The following DNAH2 variants were observed in gnomAD, a reference collection of about 807,000 sequenced individuals.
DNAH2 encodes the protein dynein axonemal heavy chain 2.
DNAH2 carries 323 observed loss-of-function variants against 523.5 expected under a neutral mutation model. The ratio of observed to expected loss-of-function variants is 0.62; its 90% CI spans 0.56 to 0.68. The LOEUF (loss-of-function observed/expected upper bound fraction) is 0.68. Ranked by LOEUF, DNAH2 falls within the 30% of genes least tolerant of loss-of-function variation. The pLI is 0.00. For missense variants in DNAH2, 4,907 were observed against 5,701.5 expected, an observed-to-expected ratio of 0.86 and a Z score of 4.49; for synonymous variants, 2,093 against 2,177.4, an observed-to-expected ratio of 0.96 and a Z score of 1.08.
At position 7,797,401 on chromosome 17, in the gene DNAH2, G is replaced by A; in HGVS notation, c.7951G>A (p.Val2651Ile). ...TRLWIHECFR[V>I]FSDRLVDAAD... is the part of the protein sequence containing the mutation. ...CTCACCCCAGTTCCCTGCCCACAGA[G>A]TCTTCTCTGACCGGCTGGTTGATGC... The change falls in exon 52 of 86, where the codon GTC becomes ATC. Residue 2651 changes from valine to isoleucine, a missense_variant and splice_region_variant. By Grantham distance (29) the Val-to-Ile change is conservative. Coordinates refer to ENST00000572933, the MANE Select transcript of DNAH2 (RefSeq NM_020877.5). 6.2e-7 allele frequency: 1 copy of A among 1,614,130 alleles called. No individual in the cohort carries two copies. Among genetic ancestry groups the A allele is most frequent in the Non-Finnish European group, 8.5e-7 (1 of 1,180,034 alleles).
At position 7,759,522 on chromosome 17, in the gene DNAH2, C is replaced by T; in HGVS notation, c.2549C>T (p.Ala850Val). The change falls in exon 16 of 86, where the codon GCT becomes GTT. Residue 850 changes from alanine (A) to valine (V), a missense_variant. Ala to Val is a moderately conservative substitution (Grantham distance 64). Coordinates refer to ENST00000572933, the MANE Select transcript of DNAH2 (RefSeq NM_020877.5). ...TGGTCACTGCTAGAACTATCCAAGG[C>T]TATCAACGGGGATGGAAAGACCAGC... ...VKWSLLELSKAINGDGKTSPN... is the reference protein window; with the variant it reads ...VKWSLLELSKVINGDGKTSPN... 1 of 1,614,202 alleles carries T rather than the reference C, an allele frequency of 6.2e-7. No homozygotes were observed. The highest frequency in any genetic ancestry group is 8.5e-7 in the Non-Finnish European group (1 of 1,180,044).
At chr17:7,727,346 C>T (rs1414484388) in intron 4 of DNAH2, 54 bp downstream of exon 4, 1 of 1,561,834 alleles carries the variant, frequency 6.4e-7, no homozygotes, top group Non-Finnish European at 8.6e-7. Flanking sequence ...GCCGAGGGCT[C>T]TCAGTTCCTT....
intron 4 of DNAH2, among the ~76,000 whole-genome samples, chr17:7,728,198 A>T (rs1402507606): frequency 2.0e-5 from 3 of 152,218 alleles, no homozygotes; most frequent in Non-Finnish European, 4.4e-5. Flanking sequence ...GTAGGGAGAC[A>T]GTTAAAAGAC....
At chr17:7,722,974 T>C (rs1272897216) in intron 2 of DNAH2, among the ~76,000 whole-genome samples, 1 of 141,352 alleles carries the variant, frequency 7.1e-6, no homozygotes, top group Non-Finnish European at 1.5e-5. Flanking sequence ...CTTTTTTTTT[T>C]TTTTTTTTTT....
At chr17:7,767,785 G>A (rs187151282) in intron 22 of DNAH2, 115 bp from the exon 23 acceptor site, 16 of 1,355,478 alleles carry the variant, frequency 1.2e-5, no homozygotes, top group African/African-American at 8.8e-5. Flanking sequence ...TGAGGAGGCC[G>A]CTGTATTATC....
At position 7,759,200 on chromosome 17, in the gene DNAH2, C is replaced by G. The variant is rs2075934370; in HGVS notation, c.2448+76C>G. 11 of 1,582,222 alleles carry G rather than the reference C, an allele frequency of 7.0e-6. No individual in the cohort carries two copies. The Admixed American group carries it at 1.9e-4, about 28-fold the overall frequency. On this transcript the variant is annotated intron_variant, in intron 15 of 85. Transcript: ENST00000572933. ...AGTTCCATCAGGCCATTCTCTTGCT[C>G]CCCGACCCTTTTTTCTTTTTTACCA...
Position 7,796,390 on chromosome 17 carries a change from C to T in DNAH2, c.7675-74C>T, listed in dbSNP as rs2077063583. The T allele has an allele frequency of 7.1e-6, 11 of 1,541,132 alleles. No homozygotes were observed. In the East Asian group the frequency reaches 2.5e-4, roughly 35 times the overall value. ...CACCCCCTTAAATTGTGCCCATGAGCCAAGCTCTTTATTGGCTTCCCCTCT... is the reference window on the plus strand; with the variant it reads ...CACCCCCTTAAATTGTGCCCATGAGTCAAGCTCTTTATTGGCTTCCCCTCT... On this transcript the variant is annotated intron_variant, in intron 49 of 85. Transcript: ENST00000572933.
At chr17:7,740,669 C>T (rs1160295469) in intron 10 of DNAH2, 120 bp downstream of exon 10, 3 of 1,538,246 alleles carry the variant, frequency 2.0e-6, no homozygotes, top group Non-Finnish European at 1.7e-6. Flanking sequence ...TCGGGCGCCT[C>T]TTGTCTTTCT....
At chr17:7,789,415 C>T (rs112241701) in intron 44 of DNAH2, among the ~76,000 whole-genome samples, 197 of 151,592 alleles carry the variant, frequency 1.3e-3, no homozygotes, top group African/African-American at 4.1e-3. Context: ...TGTGTAGATG[C>T]GCTTCAGCGT....
rs759534551 is a variant in DNAH2 at position 7,824,669 on chromosome 17, C to T, written c.11795C>T (p.Pro3932Leu). The T allele has an allele frequency of 1.9e-6, 3 of 1,606,542 alleles. No individual in the cohort carries two copies. The highest frequency in any genetic ancestry group is 1.1e-5 in the South Asian group (1 of 90,340). The change falls in exon 77 of 86, where the codon CCA (proline) becomes CTA (leucine). Residue 3932 changes from proline (P) to leucine (L), a missense_variant. Transcript: ENST00000572933. ...CTCTGGCTCAGCTCCATCCCCCACC[C>T]AGACTTCCCTATCTCAATCTTGCAG... The part of the protein sequence containing the change: ...FRLWLSSIPH[P>L]DFPISILQVS...
chr17:7,804,536 G>C, intron 59 of DNAH2, 70 bp downstream of exon 59: 6 of 1,544,012 alleles, frequency 3.9e-6, no homozygotes, highest in Non-Finnish European at 3.5e-6. Context: ...GGGAACCCAT[G>C]TTCCCCCCTT....
intron 4 of DNAH2, among the ~76,000 whole-genome samples, chr17:7,729,893 C>T (rs1363232635): frequency 1.3e-5 from 2 of 152,152 alleles, no homozygotes; most frequent in East Asian, 3.9e-4. Context: ...ACTGGTCTCT[C>T]ACAGTGGGAG....
chr17:7,731,953 C>T (rs777338976), intron 4 of DNAH2, among the ~76,000 whole-genome samples: 2 of 150,234 alleles, frequency 1.3e-5, no homozygotes, highest in African/African-American at 4.9e-5. Context: ...CGCTTGAACC[C>T]GGGAGGCGGA....
intron 49 of DNAH2, among the ~76,000 whole-genome samples, chr17:7,795,858 C>T (rs1289116065): frequency 6.8e-6 from 1 of 146,258 alleles, no homozygotes; most frequent in Non-Finnish European, 1.5e-5. Flanking sequence ...ATTAGCTGGG[C>T]GTGGTGGTGG....
rs1313972219 is a variant in DNAH2 at position 7,830,790 on chromosome 17, AC to A, written c.12180del (p.Tyr4061ThrfsTer101). 6.2e-7 allele frequency: 1 copy of A among 1,613,872 alleles called. No homozygotes were observed. The highest frequency in any genetic ancestry group is 8.5e-7 in the Non-Finnish European group (1 of 1,180,022). ...TDDWDRRLLT[T>X]YINDYFCDQS... ...TGACTGGGACCGGCGCCTGCTGACC[AC>A]CTACATCAATGATTATTTCTGTGAC... is the stretch of plus-strand genomic sequence containing the variant. On this transcript the variant is annotated frameshift_variant, in exon 79 of 86. Transcript: ENST00000572933. LOFTEE classifies it high-confidence loss of function.
At position 7,823,642 on chromosome 17, in the gene DNAH2, G is replaced by C; in HGVS notation, c.11329+14G>C. 6.2e-7 allele frequency: 1 copy of C among 1,612,168 alleles called. No homozygotes were observed. The highest frequency in any genetic ancestry group is 8.5e-7 in the Non-Finnish European group (1 of 1,179,078). On this transcript the variant is annotated intron_variant, in intron 74 of 85. Coordinates refer to ENST00000572933, the MANE Select transcript of DNAH2 (RefSeq NM_020877.5). ...CGATGCTGCCAGGTACCAGGCGTCT[G>C]TGTCCCACTCTCACTTTTCTCCTTC...
At chr17:7,778,609 T>TGG (rs2076522231) in intron 35 of DNAH2, 140 bp downstream of exon 35, 1 of 899,718 alleles carries the variant, frequency 1.1e-6, no homozygotes, top group Non-Finnish European at 1.6e-6. Context: ...TTTATTTATT[T>TGG]ATTTTTTGGA....
At position 7,755,672 on chromosome 17, in the gene DNAH2, C is replaced by T. The variant is rs139823526; in HGVS notation, c.1905-1419C>T. On this transcript the variant is annotated intron_variant, in intron 12 of 85. Transcript: ENST00000572933. Reference sequence around the variant, plus strand: ...TGAGTGGGTTTTCTCAGACGTGGAGCGGTTGTGAACAGCAAGCTTCAGGGC... The same window carrying T: ...TGAGTGGGTTTTCTCAGACGTGGAGTGGTTGTGAACAGCAAGCTTCAGGGC... Among the ~76,000 whole-genome samples the T allele has an allele frequency of 2.8e-4, 43 of 151,990 alleles. 1 individual carries two copies. Among genetic ancestry groups the T allele is most frequent in the African/African-American group, 8.7e-4 (36 of 41,448 alleles).
In DNAH2 at chr17:7,798,815, CCCA is replaced by C; in HGVS notation, c.8559+99_8559+101del. On this transcript the variant is annotated intron_variant, in intron 55 of 85. Transcript: ENST00000572933. This position sits in a 1 kb window ranked among gnomAD's most constrained non-coding sequence, Gnocchi z 5.5. ...TCCCAGAATGTGCCACTGGCACACCCCCACTGCCACACCCCCACTGCCCACCTC... is the reference window on the plus strand; with the variant it reads ...TCCCAGAATGTGCCACTGGCACACCCCTGCCACACCCCCACTGCCCACCTC... 2 of 763,278 alleles carry C rather than the reference CCCA, an allele frequency of 2.6e-6. No homozygotes were observed. The highest frequency in any genetic ancestry group is 3.9e-6 in the Non-Finnish European group (2 of 515,078). The allele number at this position is 763,278 out of a possible 1,614,324, so 47.3% of individuals were successfully genotyped here.
Sources: allele counts gnomAD v4.1 joint callset (sites outside exome capture counted in the v4.1 genomes callset), GRCh38; gene constraint gnomAD v4.1.1; non-coding constraint Gnocchi (gnomAD v3.1); transcripts MANE v1.5; gene names NCBI Gene and HGNC (gene_info 2026-07-23, HGNC 2026-07-21).